The following TF variants were observed in gnomAD, a reference collection of about 807,000 sequenced individuals.
TF encodes serotransferrin.
A neutral mutation model predicts 82.4 loss-of-function variants in TF; 55 were observed. The observed-to-expected ratio is 0.67, with a 90% CI of 0.54 to 0.84. The LOEUF is 0.84. TF is among the 40% of genes least tolerant of loss of function. The pLI is 0.00. For missense variants in TF, 737 were observed against 868.4 expected (o/e 0.85, Z 1.90); for synonymous variants, 332 against 332.6 (o/e 1.00, Z 0.02).
At chr3:133,720,393 C>A in the TF span, among the ~76,000 whole-genome samples, 1 of 152,088 alleles carries the variant, frequency 6.6e-6, no homozygotes, top group African/African-American at 2.4e-5. Context: ...TGTGGTGTAT[C>A]CCATTTGTTG....
At chr3:133,671,249 C>A in the TF span, among the ~76,000 whole-genome samples, 3 of 152,194 alleles carry the variant, frequency 2.0e-5, no homozygotes. Context: ...TCTGCTTCTA[C>A]ATTTAAAGAA....
At chr3:133,722,750 A>T in the TF span, among the ~76,000 whole-genome samples, 64,040 of 151,962 alleles carry the variant, frequency 0.42, 14,794 homozygotes, top group African/African-American at 0.61. Flanking sequence ...CACTAATTGT[A>T]GTTGTTTTTT....
chr3:133,739,834 C>A, the TF span, among the ~76,000 whole-genome samples: 1 of 152,194 alleles, frequency 6.6e-6, no homozygotes, highest in Non-Finnish European at 1.5e-5. Context: ...CAGGAAACAA[C>A]AGATGCTGGA....
At chr3:133,765,484 C>T (rs1934104668) in intron 11 of TF, among the ~76,000 whole-genome samples, 1 of 152,236 alleles carries the variant, frequency 6.6e-6, no homozygotes, top group Admixed American at 6.5e-5. Flanking sequence ...GGAAGTCTTA[C>T]ACCAAGGTGA....
chr3:133,755,686 C>A (rs1337063436), intron 5 of TF, 191 bp downstream of exon 5: 2 of 713,618 alleles, frequency 2.8e-6, no homozygotes, highest in African/African-American at 1.8e-5. Context: ...TTTCATCTGA[C>A]CCTGACAAGT....
the TF span, among the ~76,000 whole-genome samples, chr3:133,703,763 T>C: frequency 2.0e-5 from 3 of 152,208 alleles, no homozygotes; most frequent in Non-Finnish European, 4.4e-5. Context: ...GTGTATTATC[T>C]AGAGAAATGA....
In TF at chr3:133,791,978, G is replaced by C. The variant is rs1934850965; in HGVS notation, c.*13358G>C. ...ACTTAAGTAATCTTTGGGAAATAAA[G>C]ACAGTTTTAAAGATTATTGGTAAAA... On this transcript the variant is annotated 3_prime_UTR_variant, in exon 17 of 17. Coordinates refer to ENST00000402696, the MANE Select transcript of TF (RefSeq NM_001063.4). 1 of 152,134 alleles carries C rather than the reference G, an allele frequency of 6.6e-6. No individual in the cohort carries two copies. The highest frequency in any genetic ancestry group is 1.5e-5 in the Non-Finnish European group (1 of 68,014). 9.4% of individuals were successfully genotyped at this position (152,134 alleles called of 1,614,324 possible).
At chr3:133,682,377 A>T in the TF span, among the ~76,000 whole-genome samples, 1 of 152,236 alleles carries the variant, frequency 6.6e-6, no homozygotes, top group South Asian at 2.1e-4. Flanking sequence ...TGAGAGAAGA[A>T]GGCTTCAGAC....
At chr3:133,756,166 C>T (rs539534096) in intron 5 of TF, 116 bp from the exon 6 acceptor site, 29 of 976,162 alleles carry the variant, frequency 3.0e-5, no homozygotes, top group South Asian at 7.0e-5. Flanking sequence ...GCTTCAGCTA[C>T]GGGGCTGCAC....
chr3:133,713,437 C>T, the TF span, among the ~76,000 whole-genome samples: 2 of 152,030 alleles, frequency 1.3e-5, no homozygotes, highest in East Asian at 3.9e-4. Context: ...TGGCTGGCTC[C>T]CCAGAGGGTG....
In TF at chr3:133,757,951, G is replaced by A; in HGVS notation, c.1048+5G>A. On this transcript the variant is annotated splice_donor_5th_base_variant and intron_variant, in intron 8 of 16. Coordinates refer to ENST00000402696, the MANE Select transcript of TF (RefSeq NM_001063.4). ...GGAATCTACGGGAAGGCACATGTGAGTACCTGGGAAGAACCAGGTGACCAC... is the reference window on the plus strand; with the variant it reads ...GGAATCTACGGGAAGGCACATGTGAATACCTGGGAAGAACCAGGTGACCAC... 6.2e-7 allele frequency: 1 copy of A among 1,614,002 alleles called. No individual in the cohort carries two copies. The highest frequency in any genetic ancestry group is 8.5e-7 in the Non-Finnish European group (1 of 1,179,970).
chr3:133,710,592 G>A, the TF span, among the ~76,000 whole-genome samples: 1 of 152,156 alleles, frequency 6.6e-6, no homozygotes, highest in East Asian at 1.9e-4. Context: ...ACATCCCCCT[G>A]CCAAAACTGC....
At chr3:133,667,319 T>C in the TF span, among the ~76,000 whole-genome samples, 2 of 146,214 alleles carry the variant, frequency 1.4e-5, no homozygotes, top group African/African-American at 5.1e-5. Flanking sequence ...ATCTCACTAT[T>C]GCACTCTAGC....
At chr3:133,751,482 C>T (rs564271504) in intron 2 of TF, among the ~76,000 whole-genome samples, 20 of 152,152 alleles carry the variant, frequency 1.3e-4, no homozygotes, top group South Asian at 4.2e-4. Context: ...CCGCCCGTCT[C>T]GGCCTCCCAA....
At chr3:133,752,289 T>G (rs1933696775) in intron 2 of TF, among the ~76,000 whole-genome samples, 1 of 151,994 alleles carries the variant, frequency 6.6e-6, no homozygotes, top group Non-Finnish European at 1.5e-5. Context: ...GTAGAGACAG[T>G]GTTTCACCAT....
the TF span, among the ~76,000 whole-genome samples, chr3:133,694,782 G>A: frequency 1.3e-5 from 2 of 152,196 alleles, no homozygotes; most frequent in African/African-American, 2.4e-5. Flanking sequence ...TGCTCCATAA[G>A]AGAAATAGCT....
At chr3:133,778,367 A>AAATC (rs1221550255) in intron 16 of TF, 1 of 465,326 alleles carries the variant, frequency 2.1e-6, no homozygotes, top group African/African-American at 2.0e-5. Flanking sequence ...TAGGGCAGGA[A>AAATC]AATCATGTTA....
chr3:133,775,485 G>T lies in TF; in HGVS notation c.1740G>T (p.Leu580Phe), dbSNP rs763035131. The T allele has an allele frequency of 6.2e-7, 1 of 1,614,224 alleles. No individual in the cohort carries two copies. The highest frequency in any genetic ancestry group is 1.7e-5 in the Admixed American group (1 of 60,016). The change falls in exon 15 of 17, where the codon TTG becomes TTT. Residue 580 changes from leucine (L) to phenylalanine (F), a missense_variant. Transcript: ENST00000402696. ...AKNLNEKDYE[L>F]LCLDGTRKPV... is the part of the protein sequence containing the mutation. Reference sequence around the variant, plus strand: ...ATCTGAATGAAAAAGACTATGAGTTGCTGTGCCTTGATGGTACCAGGAAAC... The same window carrying T: ...ATCTGAATGAAAAAGACTATGAGTTTCTGTGCCTTGATGGTACCAGGAAAC...
the TF span, among the ~76,000 whole-genome samples, chr3:133,720,654 A>C: frequency 6.6e-6 from 1 of 152,176 alleles, no homozygotes; most frequent in African/African-American, 2.4e-5. Flanking sequence ...TTTCTGAAAT[A>C]GTTGGAGGAT....
Sources: gnomAD v4.1 joint callset for allele counts (sites outside exome capture counted in the v4.1 genomes callset) on GRCh38, gnomAD v4.1.1 for gene constraint, MANE v1.5 for transcripts, NCBI Gene and HGNC (gene_info 2026-07-23, HGNC 2026-07-21) for gene names.